PCDH11X: variants seen among roughly 807,000 people sequenced by gnomAD.
PCDH11X encodes the protein protocadherin 11 X-linked, also known as protocadherin-11 X-linked.
PCDH11X carries 18 observed loss-of-function variants against 53.3 expected under a neutral mutation model. The ratio of observed to expected loss-of-function variants is 0.34; its 90% CI spans 0.23 to 0.50. The LOEUF (loss-of-function observed/expected upper bound fraction) is 0.50, where lower values mean the gene tolerates loss of function less well. PCDH11X is among the 20% of genes least tolerant of loss of function. The pLI is 0.98. For missense variants in PCDH11X, 570 were observed against 1,032.4 expected (o/e 0.55, Z 6.14); for synonymous variants, 279 against 393.3 (o/e 0.71, Z 3.44).
chrX:92,269,923 T>G (rs2067914774), intron 8 of PCDH11X, among the ~76,000 whole-genome samples: 1 of 111,056 alleles, frequency 9.0e-6, no homozygotes, highest in Non-Finnish European at 1.9e-5. Context: ...ACATCCAAAC[T>G]TTCTGTTACA....
chrX:92,121,802 T>C (rs2064770504), intron 6 of PCDH11X, among the ~76,000 whole-genome samples: 3 of 109,565 alleles, frequency 2.7e-5, no homozygotes, highest in African/African-American at 1.0e-4. Flanking sequence ...CTCGGCTCAC[T>C]GCAACCTCCA....
intron 10 of PCDH11X, among the ~76,000 whole-genome samples, chrX:92,568,295 G>T (rs1472620868): frequency 4.6e-5 from 5 of 109,435 alleles, no homozygotes; most frequent in Non-Finnish European, 7.6e-5. Context: ...GGTGGCGGGC[G>T]CCTGTAGTCC....
intron 8 of PCDH11X, among the ~76,000 whole-genome samples, chrX:92,270,732 A>C (rs1315331584): frequency 8.9e-6 from 1 of 112,117 alleles, no homozygotes; most frequent in Non-Finnish European, 1.9e-5. Flanking sequence ...TTATTCTCAA[A>C]CTCAGTAAAT....
chrX:92,158,374 G>T (rs2065577004), intron 6 of PCDH11X, among the ~76,000 whole-genome samples: 1 of 109,918 alleles, frequency 9.1e-6, no homozygotes, highest in Non-Finnish European at 1.9e-5. Context: ...GCTGGGTGTG[G>T]TGGTGCATGC....
intron 10 of PCDH11X, among the ~76,000 whole-genome samples, chrX:92,532,192 G>A (rs142820856): frequency 0.024 from 2,653 of 111,148 alleles, 48 homozygotes; most frequent in Non-Finnish European, 0.039. Context: ...GGAGAGAGAG[G>A]ACATCAATAG....
chrX:92,440,780 T>C (rs2072495526), intron 9 of PCDH11X, among the ~76,000 whole-genome samples: 2 of 108,801 alleles, frequency 1.8e-5, no homozygotes, highest in South Asian at 8.2e-4. Flanking sequence ...ACCAGTAGAG[T>C]GGGGTGCTGC....
chrX:92,390,666 T>TC (rs1278329803), intron 9 of PCDH11X, among the ~76,000 whole-genome samples: 1 of 97,189 alleles, frequency 1.0e-5, no homozygotes, highest in Non-Finnish European at 2.1e-5. Context: ...TTTATGCAGT[T>TC]CCCATTTCAC....
At chrX:92,350,176 T>G (rs1188049538) in intron 8 of PCDH11X, among the ~76,000 whole-genome samples, 1 of 109,721 alleles carries the variant, frequency 9.1e-6, no homozygotes, top group Non-Finnish European at 1.9e-5. Context: ...CTCACCTCTT[T>G]CTGGTGCCTC....
intron 6 of PCDH11X, among the ~76,000 whole-genome samples, chrX:92,030,064 G>A (rs1205580911): frequency 3.6e-5 from 4 of 111,955 alleles, no homozygotes; most frequent in African/African-American, 1.3e-4. Context: ...CCAGGTTCAA[G>A]CGATTCTCCT....
At chrX:92,396,000 C>T (rs1257821956) in intron 9 of PCDH11X, among the ~76,000 whole-genome samples, 1 of 108,050 alleles carries the variant, frequency 9.3e-6, no homozygotes, top group Non-Finnish European at 1.9e-5. Context: ...GCATTTGGAG[C>T]AATACAGACT....
At chrX:92,448,683 C>T (rs2072711689) in intron 9 of PCDH11X, among the ~76,000 whole-genome samples, 2 of 105,461 alleles carry the variant, frequency 1.9e-5, no homozygotes, top group African/African-American at 6.9e-5. Context: ...ACTAAAGAGA[C>T]TGAGCATATA....
intron 8 of PCDH11X, among the ~76,000 whole-genome samples, chrX:92,309,759 G>A (rs6618956): frequency 0.41 from 45,583 of 110,487 alleles, 7,779 homozygotes; most frequent in East Asian, 0.82. Context: ...TCCCTCCACT[G>A]AGGAAACAAA....
intron 8 of PCDH11X, among the ~76,000 whole-genome samples, chrX:92,279,854 A>G (rs970734472): frequency 1.8e-5 from 2 of 112,231 alleles, no homozygotes; most frequent in African/African-American, 6.5e-5. Context: ...ATAAAAAGCC[A>G]TTGTTACTTT....
chrX:92,339,847 T>C (rs1230775842), intron 8 of PCDH11X, among the ~76,000 whole-genome samples: 2 of 109,076 alleles, frequency 1.8e-5, no homozygotes, highest in Non-Finnish European at 3.8e-5. Flanking sequence ...TCTCATGTCC[T>C]TCTCACATTG....
At chrX:92,416,953 T>C (rs2071827624) in intron 9 of PCDH11X, among the ~76,000 whole-genome samples, 1 of 111,138 alleles carries the variant, frequency 9.0e-6, no homozygotes, top group Non-Finnish European at 1.9e-5. Context: ...CATTATCTCA[T>C]AATTATAACT....
At chrX:92,453,449 A>G (rs1003787612) in intron 9 of PCDH11X, among the ~76,000 whole-genome samples, 8 of 111,316 alleles carry the variant, frequency 7.2e-5, no homozygotes, top group African/African-American at 2.6e-4. Flanking sequence ...TAAGCAATGT[A>G]ATGGTAGAGA....
In PCDH11X at chrX:92,399,048, C is replaced by T. The variant is rs1458005790; in HGVS notation, c.3343+11115C>T. Reference sequence around the variant, plus strand: ...CTCTACTAAAAATATAAAAAATTAGCCGGTCGTGGTGGTGGGCGCCTGTGG... The same window carrying T: ...CTCTACTAAAAATATAAAAAATTAGTCGGTCGTGGTGGTGGGCGCCTGTGG... On this transcript the variant is annotated intron_variant, in intron 9 of 10. Transcript: ENST00000682573. 3.7e-5 allele frequency among the ~76,000 whole-genome samples: 4 copies of T among 108,607 alleles called. No homozygotes were observed. The East Asian group carries it at 1.2e-3, about 32-fold the overall frequency. The allele number at this position is 108,607 out of a possible 115,157, so 94.3% of individuals were successfully genotyped here.
At chrX:92,569,980 T>C (rs1602353966) in intron 10 of PCDH11X, among the ~76,000 whole-genome samples, 1 of 93,122 alleles carries the variant, frequency 1.1e-5, no homozygotes, top group Admixed American at 1.3e-4. Context: ...CGCACCATTG[T>C]ACTCCAGCCT....
At chrX:92,109,918 T>G (rs748556554) in intron 6 of PCDH11X, among the ~76,000 whole-genome samples, 1 of 112,344 alleles carries the variant, frequency 8.9e-6, no homozygotes, top group Admixed American at 9.5e-5. Context: ...CAGTTATAAT[T>G]TTTGCAAAGA....
Sources: allele counts gnomAD v4.1 joint callset (sites outside exome capture counted in the v4.1 genomes callset), GRCh38; gene constraint gnomAD v4.1.1; transcripts MANE v1.5; gene names NCBI Gene and HGNC (gene_info 2026-07-23, HGNC 2026-07-21).